Variants in RFTN1 observed in about 807,000 individuals in gnomAD.
RFTN1 encodes the protein raftlin, lipid raft linker 1, also known as raftlin.
Under a neutral mutation model 46.5 loss-of-function variants are expected in RFTN1, and 26 were observed. The ratio of observed to expected loss-of-function variants is 0.56; its 90% CI spans 0.41 to 0.78. The LOEUF is 0.78. RFTN1 is among the 30% of genes least tolerant of loss of function. The pLI is 0.00. For missense variants in RFTN1, 693 were observed against 718.7 expected (o/e 0.96, Z 0.41); for synonymous variants, 261 against 284.2 (o/e 0.92, Z 0.82).
At chr3:16,420,549 A>G (rs2075164788) in intron 3 of RFTN1, among the ~76,000 whole-genome samples, 1 of 152,132 alleles carries the variant, frequency 6.6e-6, no homozygotes, top group Admixed American at 6.5e-5. Context: ...CACATGTTCC[A>G]CATTAAACTT....
At chr3:16,461,935 T>C (rs2076014011) in intron 2 of RFTN1, among the ~76,000 whole-genome samples, 1 of 152,166 alleles carries the variant, frequency 6.6e-6, no homozygotes, top group African/African-American at 2.4e-5. Flanking sequence ...CAGGTTGAGG[T>C]TTTCTTTTCT....
rs1231714110 is a variant in RFTN1, at chr3:16,483,011, C to T, written c.145+10714G>A. On this transcript the variant is annotated intron_variant, in intron 2 of 9. Coordinates refer to ENST00000334133, the MANE Select transcript of RFTN1 (RefSeq NM_015150.2). The surrounding 1 kb of genome is among the most constrained non-coding windows in gnomAD (Gnocchi z 4.8). ...GCCATCCACCTTCCCTCCTCCAGGG[C>T]TTCTGACATTTTGCTCCAAGGTTTG... The T allele has an allele frequency of 1.2e-5, 7 of 605,804 alleles. No individual in the cohort carries two copies. The highest frequency in any genetic ancestry group is 3.7e-5 in the African/African-American group (2 of 53,950). 37.5% of individuals were successfully genotyped at this position (605,804 alleles called of 1,614,324 possible).
rs146157874 is a variant in RFTN1, at chr3:16,321,479, T to C, written c.1332+1897A>G. ...GAGGACTAGATGGAGTGACTCTCGG[T>C]CACCAGGGGACACAGGCCTGTGGGA... On this transcript the variant is annotated intron_variant, in intron 9 of 9. Transcript: ENST00000334133. This position sits in a 1 kb window ranked among gnomAD's most constrained non-coding sequence, Gnocchi z 4.8. Among the ~76,000 whole-genome samples the C allele has an allele frequency of 5.3e-4, 80 of 152,240 alleles. No homozygotes were observed. The highest frequency in any genetic ancestry group is 1.9e-3 in the African/African-American group (77 of 41,540).
At chr3:16,404,114 A>AT (rs1427509621) in intron 4 of RFTN1, among the ~76,000 whole-genome samples, 1 of 36,344 alleles carries the variant, frequency 2.8e-5, no homozygotes, top group Admixed American at 5.4e-4. Flanking sequence ...TATAATATAT[A>AT]ATATACATTT....
In RFTN1 at chr3:16,361,429, T is replaced by C. The variant is rs1575125305; in HGVS notation, c.1031-3382A>G. On this transcript the variant is annotated intron_variant, in intron 6 of 9. Transcript: ENST00000334133. The surrounding 1 kb of genome is among the most constrained non-coding windows in gnomAD (Gnocchi z 4.3). ...GACAATAACATCATGTCAGAGGTGATACATGCTAGAAAAATACTAAGTGGG... is the reference window on the plus strand; with the variant it reads ...GACAATAACATCATGTCAGAGGTGACACATGCTAGAAAAATACTAAGTGGG... 6.6e-6 allele frequency among the ~76,000 whole-genome samples: 1 copy of C among 152,162 alleles called. No individual in the cohort carries two copies. The highest frequency in any genetic ancestry group is 6.5e-5 in the Admixed American group (1 of 15,280).
Position 16,358,119 on chromosome 3 carries a change from A to C in RFTN1, c.1031-72T>G, listed in dbSNP as rs1199979527. On this transcript the variant is annotated intron_variant, in intron 6 of 9. Coordinates refer to ENST00000334133, the MANE Select transcript of RFTN1 (RefSeq NM_015150.2). ...CTGTGGCAGAAGTCTTCTAAGCAGC[A>C]AACATTTCCACTGCATTCATTAATA... 3 of 827,162 alleles carry C rather than the reference A, an allele frequency of 3.6e-6. No homozygotes were observed. In the Admixed American group the frequency reaches 5.5e-5, roughly 15 times the overall value. 51.2% of individuals were successfully genotyped at this position (827,162 alleles called of 1,614,324 possible).
rs2075178869 is a variant in RFTN1 at position 16,421,318 on chromosome 3, A to C, written c.333-11835T>G. Among the ~76,000 whole-genome samples, 1 of 151,518 alleles carries C rather than the reference A, an allele frequency of 6.6e-6. No homozygotes were observed. The highest frequency in any genetic ancestry group is 1.5e-5 in the Non-Finnish European group (1 of 67,872). On this transcript the variant is annotated intron_variant, in intron 3 of 9. Coordinates refer to ENST00000334133, the MANE Select transcript of RFTN1 (RefSeq NM_015150.2). This position sits in a 1 kb window ranked among gnomAD's most constrained non-coding sequence, Gnocchi z 4.6. ...TGATAATTCCAAATTTCTAAATCAG[A>C]TCTGAACAGGTAGGCATTGGTATTG...
At chr3:16,358,369 T>C (rs1426268066) in intron 6 of RFTN1, among the ~76,000 whole-genome samples, 5 of 152,148 alleles carry the variant, frequency 3.3e-5, no homozygotes, top group African/African-American at 1.2e-4. Context: ...GGAGAACTTA[T>C]CCAGGGTAAA....
chr3:16,391,869 GTTTTTTTT>G (rs576052890), intron 4 of RFTN1, among the ~76,000 whole-genome samples: 3 of 57,726 alleles, frequency 5.2e-5, no homozygotes, highest in African/African-American at 1.1e-4. Flanking sequence ...TTTTTTTTTT[GTTTTTTTT>G]TTTTGTTTTT....
At chr3:16,419,503 T>C (rs1023289578) in intron 3 of RFTN1, among the ~76,000 whole-genome samples, 21 of 152,156 alleles carry the variant, frequency 1.4e-4, no homozygotes, top group Non-Finnish European at 2.2e-4. Context: ...CAGTATTTCT[T>C]GTCCCTGCAA....
At chr3:16,482,917 C>T (rs1467392243) in intron 2 of RFTN1, 5 of 1,275,046 alleles carry the variant, frequency 3.9e-6, no homozygotes, top group Admixed American at 2.0e-5. Context: ...TAGAAAGTCC[C>T]GCCCCACCCA....
At position 16,380,721 on chromosome 3, in the gene RFTN1, T is replaced by C. The variant is rs1014985798; in HGVS notation, c.442-2619A>G. On this transcript the variant is annotated intron_variant, in intron 4 of 9. Transcript: ENST00000334133. The surrounding 1 kb of genome is among the most constrained non-coding windows in gnomAD (Gnocchi z 4.8). Reference sequence around the variant, plus strand: ...GTGTCTTAACAAGTCCTCCGAGTGATTCCAATGCAGCCTGATGTTTGAGAA... The same window carrying C: ...GTGTCTTAACAAGTCCTCCGAGTGACTCCAATGCAGCCTGATGTTTGAGAA... 2.0e-5 allele frequency among the ~76,000 whole-genome samples: 3 copies of C among 152,196 alleles called. No individual in the cohort carries two copies. Among genetic ancestry groups the C allele is most frequent in the African/African-American group, 7.2e-5 (3 of 41,462 alleles).
chr3:16,411,672 A>G (rs1434265960), intron 3 of RFTN1, among the ~76,000 whole-genome samples: 1 of 152,206 alleles, frequency 6.6e-6, no homozygotes, highest in African/African-American at 2.4e-5. Flanking sequence ...CAGACCTTTG[A>G]AAAGAAGACT....
chr3:16,368,083 G>C lies in RFTN1; in HGVS notation c.1030+1993C>G, dbSNP rs141358142. 3.3e-3 allele frequency among the ~76,000 whole-genome samples: 504 copies of C among 152,136 alleles called. 2 individuals are homozygous for C. The highest frequency in any genetic ancestry group is 6.4e-3 in the Non-Finnish European group (435 of 67,982). ...TGGGCACCGAGAGGGGATGAAAGGA[G>C]CCACTGTTGCCACAACCCAAGATGG... is the stretch of plus-strand genomic sequence containing the variant. On this transcript the variant is annotated intron_variant, in intron 6 of 9. Transcript: ENST00000334133.
At chr3:16,493,656 C>A in intron 2 of RFTN1, 69 bp downstream of exon 2, 3 of 1,304,600 alleles carry the variant, frequency 2.3e-6, no homozygotes, top group Non-Finnish European at 3.1e-6. Context: ...TCCAACTGCA[C>A]CCCCATCCCC....
chr3:16,408,240 C>A lies in RFTN1; in HGVS notation c.441+1135G>T, dbSNP rs79070586. Reference sequence around the variant, plus strand: ...GCACAGCCGCATCCCCAAAGACACCCCGTCATCCTTCCCATCTCAGCTCCA... The same window carrying A: ...GCACAGCCGCATCCCCAAAGACACCACGTCATCCTTCCCATCTCAGCTCCA... On this transcript the variant is annotated intron_variant, in intron 4 of 9. Transcript: ENST00000334133. Among the ~76,000 whole-genome samples, 309 of 152,234 alleles carry A rather than the reference C, an allele frequency of 2.0e-3. 3 individuals are homozygous for A. Among genetic ancestry groups the A allele is most frequent in the African/African-American group, 7.3e-3 (303 of 41,548 alleles).
rs536397956 is a variant in RFTN1, at chr3:16,356,060, A to C, written c.1146+1872T>G. On this transcript the variant is annotated intron_variant, in intron 7 of 9. Transcript: ENST00000334133. The surrounding 1 kb of genome is among the most constrained non-coding windows in gnomAD (Gnocchi z 4.9). ...GAATGCCGGCTGCTCAGTCCTTCAG[A>C]TCCTCAACTCTTGGCATTTCATATT... 1.3e-5 allele frequency among the ~76,000 whole-genome samples: 2 copies of C among 152,238 alleles called. No individual in the cohort carries two copies. The highest frequency in any genetic ancestry group is 3.9e-4 in the East Asian group (2 of 5,180).
chr3:16,432,680 A>C (rs1177118540), intron 3 of RFTN1, among the ~76,000 whole-genome samples: 1 of 152,174 alleles, frequency 6.6e-6, no homozygotes, highest in African/African-American at 2.4e-5. Flanking sequence ...CTACAGAAAA[A>C]AAAAAGAGAG....
At position 16,346,919 on chromosome 3, in the gene RFTN1, G is replaced by A. The variant is rs1316476686; in HGVS notation, c.1146+11013C>T. ...TTAAGCTGTTGACAAAGCTGACTCT[G>A]CAACCTCCCCACCTTGCTCTAGACT... On this transcript the variant is annotated intron_variant, in intron 7 of 9. Coordinates refer to ENST00000334133, the MANE Select transcript of RFTN1 (RefSeq NM_015150.2). The surrounding 1 kb of genome is among the most constrained non-coding windows in gnomAD (Gnocchi z 4.4). Among the ~76,000 whole-genome samples the A allele has an allele frequency of 1.3e-5, 2 of 152,152 alleles. No individual in the cohort carries two copies. The highest frequency in any genetic ancestry group is 3.8e-4 in the East Asian group (2 of 5,200).
Sources: gnomAD v4.1 joint callset for allele counts (sites outside exome capture counted in the v4.1 genomes callset) on GRCh38, gnomAD v4.1.1 for gene constraint, Gnocchi (gnomAD v3.1) non-coding constraint, MANE v1.5 for transcripts, NCBI Gene and HGNC (gene_info 2026-07-23, HGNC 2026-07-21) for gene names.